GPC3: variants seen among roughly 807,000 people sequenced by gnomAD.
GPC3 encodes glypican-3.
In GPC3, 3 loss-of-function variants were observed where a neutral mutation model predicts 34.4. The observed-to-expected ratio is 0.09, with a 90% CI of 0.04 to 0.23. The LOEUF (loss-of-function observed/expected upper bound fraction) is 0.23, where lower values mean the gene tolerates loss of function less well. GPC3 is among the 10% of genes least tolerant of loss of function. The probability of loss-of-function intolerance (pLI) is 1.00; values close to 1 mark genes in which losing one functional copy is unlikely to be tolerated. For missense variants in GPC3, 351 were observed against 445.6 expected, an observed-to-expected ratio of 0.79 and a Z score of 1.91; for synonymous variants, 177 against 174.0, an observed-to-expected ratio of 1.02 and a Z score of -0.13.
chrX:133,841,970 G>A (rs528193140), intron 2 of GPC3, among the ~76,000 whole-genome samples: 3 of 112,283 alleles, frequency 2.7e-5, no homozygotes, highest in South Asian at 3.7e-4. Flanking sequence ...TCCTTGCTCC[G>A]CAAGCTTGCA....
intron 2 of GPC3, among the ~76,000 whole-genome samples, chrX:133,760,583 G>A (rs188133266): frequency 2.7e-5 from 3 of 111,503 alleles, no homozygotes; most frequent in Non-Finnish European, 5.7e-5. Context: ...CAAAACTATA[G>A]AGACACTAAA....
At chrX:133,877,519 C>T (rs1288816402) in intron 2 of GPC3, among the ~76,000 whole-genome samples, 3 of 112,036 alleles carry the variant, frequency 2.7e-5, no homozygotes, top group African/African-American at 9.7e-5. Flanking sequence ...TTTGGAAATG[C>T]ATCAAAGAAT....
chrX:133,849,254 C>T (rs1409147988), intron 2 of GPC3, among the ~76,000 whole-genome samples: 3 of 109,101 alleles, frequency 2.7e-5, no homozygotes, highest in African/African-American at 1.0e-4. Flanking sequence ...GCCAACACGC[C>T]CGGCTAATGA....
In GPC3 at chrX:133,595,484, C is replaced by T. The variant is rs2069902709; in HGVS notation, c.1573+956G>A. Reference sequence around the variant, plus strand: ...TTTGTTGTTGTTTTGCCTCCTTGACCCCAGCAGTACTATATTACTTTTTTC... The same window carrying T: ...TTTGTTGTTGTTTTGCCTCCTTGACTCCAGCAGTACTATATTACTTTTTTC... On this transcript the variant is annotated intron_variant, in intron 7 of 7. Coordinates refer to ENST00000370818, the MANE Select transcript of GPC3 (RefSeq NM_004484.4). 8.1e-5 allele frequency among the ~76,000 whole-genome samples: 9 copies of T among 111,127 alleles called. No individual in the cohort carries two copies. In the Admixed American group the frequency reaches 8.6e-4, roughly 11 times the overall value.
chrX:133,594,182 A>T (rs1204041704), intron 7 of GPC3, among the ~76,000 whole-genome samples: 6 of 112,264 alleles, frequency 5.3e-5, no homozygotes, highest in Non-Finnish European at 1.1e-4. Flanking sequence ...TGGGGGCCTA[A>T]TTGCATTTAA....
chrX:133,726,380 A>C (rs763099686), intron 3 of GPC3, among the ~76,000 whole-genome samples: 1 of 111,967 alleles, frequency 8.9e-6, no homozygotes, highest in South Asian at 3.8e-4. Context: ...AAACACTGAA[A>C]AAGCAAATAA....
At chrX:133,786,427 C>A (rs1157567446) in intron 2 of GPC3, among the ~76,000 whole-genome samples, 3 of 112,376 alleles carry the variant, frequency 2.7e-5, no homozygotes, top group East Asian at 5.6e-4. Flanking sequence ...AAAGAAAGAA[C>A]CCCGATAGGG....
chrX:133,712,870 G>A (rs2071283464), intron 3 of GPC3, among the ~76,000 whole-genome samples: 1 of 110,940 alleles, frequency 9.0e-6, no homozygotes, highest in Admixed American at 9.6e-5. Context: ...GGGGAAAAGA[G>A]CGAGACTCCC....
At chrX:133,715,310 A>G (rs1322004747) in intron 3 of GPC3, among the ~76,000 whole-genome samples, 1 of 112,014 alleles carries the variant, frequency 8.9e-6, no homozygotes, top group Non-Finnish European at 1.9e-5. Context: ...CACAGACTGA[A>G]GGCTGCACTG....
chrX:133,983,306 T>C (rs1424388692), intron 1 of GPC3, among the ~76,000 whole-genome samples: 1 of 112,502 alleles, frequency 8.9e-6, no homozygotes, highest in African/African-American at 3.2e-5. Flanking sequence ...TGTGAAATAG[T>C]AGAGGAAAAT....
chrX:133,703,907 T>C (rs778009903), intron 3 of GPC3, among the ~76,000 whole-genome samples: 10 of 111,853 alleles, frequency 8.9e-5, no homozygotes, highest in East Asian at 8.4e-4. Flanking sequence ...CTGGGCCACA[T>C]TGGAAGAAGA....
chrX:133,798,896 G>A (rs1230168756), intron 2 of GPC3, among the ~76,000 whole-genome samples: 1 of 111,964 alleles, frequency 8.9e-6, no homozygotes, highest in East Asian at 2.8e-4. Context: ...GGACATTTGT[G>A]TTTTGCCTCA....
intron 2 of GPC3, among the ~76,000 whole-genome samples, chrX:133,920,160 T>C (rs1235553405): frequency 3.0e-5 from 3 of 100,276 alleles, no homozygotes; most frequent in African/African-American, 1.1e-4. Flanking sequence ...TAAGATCCTG[T>C]CAAAAAAAAA....
chrX:133,915,632 C>T (rs2076220790), intron 2 of GPC3, among the ~76,000 whole-genome samples: 1 of 112,541 alleles, frequency 8.9e-6, no homozygotes, highest in African/African-American at 3.2e-5. Context: ...CTTAGTGTTA[C>T]CTGTGGATGT....
chrX:133,927,380 T>C (rs1198424410), intron 2 of GPC3, among the ~76,000 whole-genome samples: 1 of 110,706 alleles, frequency 9.0e-6, no homozygotes, highest in Non-Finnish European at 1.9e-5. Flanking sequence ...CAGAAATACA[T>C]GGGGAAAAGT....
At chrX:133,967,192 G>C (rs891760342) in intron 1 of GPC3, among the ~76,000 whole-genome samples, 6 of 112,064 alleles carry the variant, frequency 5.4e-5, no homozygotes, top group African/African-American at 1.9e-4. Context: ...CTAAAATTGA[G>C]GGAAATATTA....
Position 133,596,651 on chromosome X carries a change from T to C in GPC3, c.1414-52A>G, listed in dbSNP as rs778255020. On this transcript the variant is annotated intron_variant, in intron 6 of 7. Coordinates refer to ENST00000370818, the MANE Select transcript of GPC3 (RefSeq NM_004484.4). ...CAGCTCTTCATATTTCTCAGGTGGG[T>C]CTGCACAGTGTGTTATTAACAGGAG... 2.7e-6 allele frequency: 3 copies of C among 1,109,571 alleles called. No homozygotes were observed. In the Admixed American group the frequency reaches 6.5e-5, roughly 24 times the overall value. 91.4% of individuals were successfully genotyped at this position (1,109,571 alleles called of 1,213,427 possible). A position where few individuals can be genotyped will look rare whatever the true frequency, so the allele number is the denominator to read the frequency against.
chrX:133,863,648 C>CTTTTTTTTTTTTTTTTTTTT lies in GPC3; in HGVS notation c.337+89401_337+89402insAAAAAAAAAAAAAAAAAAAA, dbSNP rs1165193952. On this transcript the variant is annotated intron_variant, in intron 2 of 7. Transcript: ENST00000370818. ...ACCCCTAGTTAACATAAAAATATTC[C>CTTTTTTTTTTTTTTTTTTTT]TTTTTTTTTTTTTTTTTTGAGACGG... Among the ~76,000 whole-genome samples the CTTTTTTTTTTTTTTTTTTTT allele has an allele frequency of 5.6e-4, 41 of 72,875 alleles. 5 individuals carry two copies. The highest frequency in any genetic ancestry group is 3.2e-3 in the African/African-American group (38 of 11,971). The allele number at this position is 72,875 out of a possible 115,157, so 63.3% of individuals were successfully genotyped here. A position where few individuals can be genotyped will look rare whatever the true frequency, so the allele number is the denominator to read the frequency against.
chrX:133,830,147 A>G (rs1457211404), intron 2 of GPC3, among the ~76,000 whole-genome samples: 1 of 111,917 alleles, frequency 8.9e-6, no homozygotes, highest in Non-Finnish European at 1.9e-5. Flanking sequence ...CCAGTACTGT[A>G]AAGATTAGAC....
Sources: allele counts gnomAD v4.1 joint callset (sites outside exome capture counted in the v4.1 genomes callset), GRCh38; gene constraint gnomAD v4.1.1; transcripts MANE v1.5; gene names NCBI Gene and HGNC (gene_info 2026-07-23, HGNC 2026-07-21).